Variants in MAPK10 observed in about 807,000 individuals in gnomAD.
MAPK10 encodes the protein JNK3 alpha protein kinase.
A neutral mutation model predicts 59.3 loss-of-function variants in MAPK10; 25 were observed. The observed-to-expected ratio is 0.42, with a 90% CI of 0.31 to 0.59. The LOEUF (loss-of-function observed/expected upper bound fraction) is 0.59, where lower values mean the gene tolerates loss of function less well. MAPK10 is among the 20% of genes least tolerant of loss of function. The pLI, the probability that MAPK10 is intolerant of heterozygous loss-of-function variation, is 0.15. For synonymous variants in MAPK10, 190 were observed against 200.5 expected, an observed-to-expected ratio of 0.95 and a Z score of 0.44; for missense variants, 351 against 568.9, an observed-to-expected ratio of 0.62 and a Z score of 3.90.
intron 3 of MAPK10, among the ~76,000 whole-genome samples, chr4:86,167,484 A>T (rs11097098): frequency 0.085 from 12,902 of 152,244 alleles, 1,214 homozygotes; most frequent in African/African-American, 0.23. Flanking sequence ...GTACTGTCAA[A>T]CCTAATCCAG....
At chr4:86,018,952 C>T (rs1381832531) in intron 13 of MAPK10, among the ~76,000 whole-genome samples, 1 of 152,150 alleles carries the variant, frequency 6.6e-6, no homozygotes, top group Non-Finnish European at 1.5e-5. Flanking sequence ...ATCCTTGCTC[C>T]TGGAGTAGAC....
intron 1 of MAPK10, among the ~76,000 whole-genome samples, chr4:86,507,615 G>GAGAGATATATAT (rs1219957209): frequency 2.8e-5 from 1 of 35,654 alleles, no homozygotes; most frequent in Non-Finnish European, 5.1e-5. Flanking sequence ...ATAAACTGGA[G>GAGAGATATATAT]ATATATATAT....
intron 1 of MAPK10, among the ~76,000 whole-genome samples, chr4:86,371,784 G>T (rs1207522258): frequency 6.6e-6 from 1 of 152,116 alleles, no homozygotes; most frequent in East Asian, 1.9e-4. Flanking sequence ...AGGGGTCAGG[G>T]AACTCTTTCC....
intron 1 of MAPK10, among the ~76,000 whole-genome samples, chr4:86,491,744 T>C (rs914399251): frequency 1.4e-4 from 21 of 152,258 alleles, no homozygotes; most frequent in Non-Finnish European, 7.3e-5. Flanking sequence ...TGTTTGTTAG[T>C]TGTTGTTTTT....
intron 2 of MAPK10, among the ~76,000 whole-genome samples, chr4:86,310,342 T>G (rs1278613955): frequency 6.6e-6 from 1 of 152,194 alleles, no homozygotes; most frequent in Non-Finnish European, 1.5e-5. Context: ...AACTGAGACC[T>G]ATCTCTGATT....
At chr4:86,507,297 A>G (rs1755811382) in intron 1 of MAPK10, among the ~76,000 whole-genome samples, 1 of 152,010 alleles carries the variant, frequency 6.6e-6, no homozygotes, top group African/African-American at 2.4e-5. Flanking sequence ...ATAAAATACC[A>G]GTTCTAAGCT....
At chr4:86,256,841 C>T (rs1037562690) in intron 2 of MAPK10, among the ~76,000 whole-genome samples, 33 of 148,904 alleles carry the variant, frequency 2.2e-4, no homozygotes, top group Non-Finnish European at 4.7e-4. Flanking sequence ...CCCGGGTTCA[C>T]GCCATTCTCC....
At chr4:86,341,753 TGGTAAAGGA>T (rs1725034926) in intron 2 of MAPK10, among the ~76,000 whole-genome samples, 1 of 147,556 alleles carries the variant, frequency 6.8e-6, no homozygotes, top group Non-Finnish European at 1.5e-5. Context: ...TAACAAGAAA[TGGTAAAGGA>T]CCCCGATTAG....
At chr4:86,424,047 T>A (rs184340148) in intron 1 of MAPK10, among the ~76,000 whole-genome samples, 2 of 152,130 alleles carry the variant, frequency 1.3e-5, no homozygotes, top group African/African-American at 4.8e-5. Context: ...GAAGATGCAT[T>A]ATAAAAATAT....
chr4:86,546,209 C>T (rs969779625), intron 1 of MAPK10, among the ~76,000 whole-genome samples: 3 of 150,426 alleles, frequency 2.0e-5, no homozygotes, highest in South Asian at 2.1e-4. Flanking sequence ...GACAACAGAG[C>T]GAGACTCTTG....
intron 9 of MAPK10, among the ~76,000 whole-genome samples, chr4:86,077,008 A>G (rs2049628064): frequency 6.6e-6 from 1 of 152,144 alleles, no homozygotes; most frequent in Admixed American, 6.5e-5. Context: ...ATAAATTATG[A>G]AATGCATTGA....
intron 1 of MAPK10, among the ~76,000 whole-genome samples, chr4:86,547,651 G>C (rs1759340482): frequency 6.6e-6 from 1 of 152,328 alleles, no homozygotes; most frequent in East Asian, 1.9e-4. Context: ...GCGGCAGGCA[G>C]GGAGCTCCAC....
chr4:86,030,149 T>A (rs1218597594), intron 12 of MAPK10, among the ~76,000 whole-genome samples: 1 of 151,990 alleles, frequency 6.6e-6, no homozygotes, highest in African/African-American at 2.4e-5. Context: ...CCCTAAGGAG[T>A]GCCTTCCTGT....
At chr4:86,122,953 TTCTGA>T (rs1706888354) in intron 4 of MAPK10, among the ~76,000 whole-genome samples, 1 of 152,120 alleles carries the variant, frequency 6.6e-6, no homozygotes, top group African/African-American at 2.4e-5. Context: ...ATTTATGTGG[TTCTGA>T]TAGGTGCTCT....
At chr4:86,401,249 G>A (rs1743683858) in intron 1 of MAPK10, among the ~76,000 whole-genome samples, 1 of 152,044 alleles carries the variant, frequency 6.6e-6, no homozygotes, top group South Asian at 2.1e-4. Flanking sequence ...TCTGTTCTAC[G>A]TTAGAACAGA....
chr4:86,438,372 A>C (rs1749017314), intron 1 of MAPK10, among the ~76,000 whole-genome samples: 1 of 152,186 alleles, frequency 6.6e-6, no homozygotes, highest in Non-Finnish European at 1.5e-5. Flanking sequence ...CAGGTCTTGC[A>C]AGAAGCATCT....
At chr4:86,336,619 A>ATCT (rs1167671846) in intron 2 of MAPK10, 3 of 152,136 alleles carry the variant, frequency 2.0e-5, no homozygotes, top group Non-Finnish European at 4.4e-5. Context: ...TCATCCCTCT[A>ATCT]TCTGAAACTG....
intron 4 of MAPK10, chr4:86,125,023 C>T (rs977215155): frequency 8.6e-5 from 13 of 151,876 alleles, no homozygotes; most frequent in African/African-American, 2.9e-4. Flanking sequence ...AATACTTTTA[C>T]ATTACAATGC....
intron 9 of MAPK10, among the ~76,000 whole-genome samples, chr4:86,083,073 A>G (rs1268501786): frequency 6.6e-6 from 1 of 152,170 alleles, no homozygotes; most frequent in African/African-American, 2.4e-5. Context: ...TAAAAGATAT[A>G]ATATCTTTTT....
Sources: allele counts gnomAD v4.1 joint callset (sites outside exome capture counted in the v4.1 genomes callset), GRCh38; gene constraint gnomAD v4.1.1; transcripts MANE v1.5; gene names NCBI Gene and HGNC (gene_info 2026-07-23, HGNC 2026-07-21).